Variants in USP54 observed in about 807,000 individuals in gnomAD.
USP54 encodes ubiquitin carboxyl-terminal hydrolase 54.
A neutral mutation model predicts 170.5 loss-of-function variants in USP54; 87 were observed. The observed-to-expected ratio is 0.51, with a 90% confidence interval of 0.43 to 0.61. USP54 has a LOEUF of 0.61. Ranked by LOEUF, USP54 falls within the 20% of genes least tolerant of loss-of-function variation. The probability of loss-of-function intolerance (pLI) is 0.00; values close to 1 mark genes in which losing one functional copy is unlikely to be tolerated. For missense variants in USP54, 1,786 were observed against 2,047.8 expected (o/e 0.87, Z 2.47); for synonymous variants, 655 against 742.8 (o/e 0.88, Z 1.92).
intron 1 of USP54, among the ~76,000 whole-genome samples, chr10:73,587,577 A>G (rs2077667782): frequency 6.6e-6 from 1 of 152,172 alleles, no homozygotes; most frequent in Non-Finnish European, 1.5e-5. Flanking sequence ...TTCCTAGAGA[A>G]CATTATGTGA....
intron 4 of USP54, among the ~76,000 whole-genome samples, chr10:73,556,527 G>A (rs1381459599): frequency 1.3e-5 from 2 of 151,338 alleles, no homozygotes; most frequent in African/African-American, 4.9e-5. Context: ...TGTATTTTTA[G>A]TAGAGACAGG....
chr10:73,544,394 T>C (rs183585982), intron 5 of USP54, among the ~76,000 whole-genome samples: 127 of 152,368 alleles, frequency 8.3e-4, no homozygotes, highest in South Asian at 4.1e-4. Flanking sequence ...TTTAACCGTC[T>C]ACTCACTGAA....
At chr10:73,526,804 A>C in intron 15 of USP54, 24 bp from the exon 16 acceptor site, 1 of 1,612,018 alleles carries the variant, frequency 6.2e-7, no homozygotes, top group South Asian at 1.1e-5. Flanking sequence ...CTCAGAGTCT[A>C]GTGAAAGCAT....
chr10:73,517,560 G>A lies in USP54; in HGVS notation c.2866C>T (p.Leu956=). ...SSPSRSALKL[L]TSVEVDNIEP... is the part of the protein sequence containing the mutation. ...ATGTTGTCTACTTCAACCGAAGTCA[G>A]AAGCTTCAAGGCAGATCTACTGGGG... is the stretch of plus-strand genomic sequence containing the variant. The change falls in exon 20 of 24, where the codon CTG becomes TTG. Residue 956 remains leucine, a synonymous_variant. Coordinates refer to ENST00000687698, the MANE Select transcript of USP54 (RefSeq NM_001391956.1). 6.2e-7 allele frequency: 1 copy of A among 1,614,228 alleles called. No individual in the cohort carries two copies. The highest frequency in any genetic ancestry group is 8.5e-7 in the Non-Finnish European group (1 of 1,180,040).
In USP54 at chr10:73,516,365, G is replaced by C. The variant is rs2133282110; in HGVS notation, c.4051+10C>G. ...TCCCCCCTCCCCCCAACCCCTGGTTGCATTCTTACCTGTTTGGCTAAGTGG... is the reference window on the plus strand; with the variant it reads ...TCCCCCCTCCCCCCAACCCCTGGTTCCATTCTTACCTGTTTGGCTAAGTGG... On this transcript the variant is annotated intron_variant, in intron 20 of 23. Transcript: ENST00000687698. The C allele has an allele frequency of 1.9e-6, 3 of 1,589,210 alleles. No homozygotes were observed. Among genetic ancestry groups the C allele is most frequent in the Middle Eastern group, 1.8e-4 (1 of 5,438 alleles).
At chr10:73,518,169 T>C (rs2061343429) in intron 19 of USP54, 1 of 985,294 alleles carries the variant, frequency 1.0e-6, no homozygotes, top group Non-Finnish European at 1.2e-6. Flanking sequence ...CAGGATGCTA[T>C]ACAGGGAGGC....
chr10:73,566,998 T>A (rs2073992499), intron 4 of USP54, among the ~76,000 whole-genome samples: 1 of 151,890 alleles, frequency 6.6e-6, no homozygotes, highest in African/African-American at 2.4e-5. Flanking sequence ...TACCTCAGCC[T>A]CCTGAGTAGC....
intron 4 of USP54, 62 bp from the exon 5 acceptor site, chr10:73,545,734 C>T: frequency 6.3e-7 from 1 of 1,575,406 alleles, no homozygotes. Flanking sequence ...TCTATACATC[C>T]TAGTCTGTCA....
At chr10:73,624,191 TA>T (rs2081319482) in intron 1 of USP54, among the ~76,000 whole-genome samples, 4 of 127,096 alleles carry the variant, frequency 3.1e-5, no homozygotes, top group African/African-American at 8.7e-5. Context: ...TATATATATA[TA>T]TATGTATTTT....
At chr10:73,535,792 C>A (rs565534594) in intron 11 of USP54, among the ~76,000 whole-genome samples, 75 of 152,282 alleles carry the variant, frequency 4.9e-4, no homozygotes, top group African/African-American at 1.8e-3. Context: ...GATCCTCCCA[C>A]CTCAGCCTCC....
intron 1 of USP54, among the ~76,000 whole-genome samples, chr10:73,589,865 T>G: frequency 6.6e-6 from 1 of 152,134 alleles, no homozygotes; most frequent in South Asian, 2.1e-4. Context: ...GGTGAAGGGA[T>G]GAGAAGGAAT....
intron 1 of USP54, among the ~76,000 whole-genome samples, chr10:73,588,381 G>A (rs553756767): frequency 2.0e-5 from 3 of 152,168 alleles, no homozygotes; most frequent in Non-Finnish European, 2.9e-5. Context: ...GTGCCACCAC[G>A]CCCAGCTAAT....
intron 4 of USP54, among the ~76,000 whole-genome samples, chr10:73,548,611 C>T (rs2068430639): frequency 6.6e-6 from 1 of 152,126 alleles, no homozygotes; most frequent in Non-Finnish European, 1.5e-5. Flanking sequence ...CCATCATTCT[C>T]AGCAAACTAT....
At chr10:73,508,244 T>G (rs1305919857) in intron 20 of USP54, among the ~76,000 whole-genome samples, 1 of 151,612 alleles carries the variant, frequency 6.6e-6, no homozygotes, top group East Asian at 2.0e-4. Context: ...CTGTCTCTAT[T>G]AAAAATACAG....
intron 1 of USP54, among the ~76,000 whole-genome samples, chr10:73,579,550 T>G (rs1589273073): frequency 6.6e-6 from 1 of 150,920 alleles, no homozygotes; most frequent in African/African-American, 2.4e-5. Flanking sequence ...AGGTCAGGAG[T>G]TCAAAACCAA....
intron 1 of USP54, among the ~76,000 whole-genome samples, chr10:73,608,123 G>A (rs1357614175): frequency 1.3e-5 from 2 of 151,724 alleles, no homozygotes; most frequent in Non-Finnish European, 2.9e-5. Flanking sequence ...AGCCGGGCAT[G>A]GTAGCGCGTG....
Position 73,573,052 on chromosome 10 carries a change from C to T in USP54, c.148-1539G>A, listed in dbSNP as rs527666375. Among the ~76,000 whole-genome samples, 7 of 151,736 alleles carry T rather than the reference C, an allele frequency of 4.6e-5. No individual in the cohort carries two copies. In the East Asian group the frequency reaches 5.9e-4, roughly 13 times the overall value. ...TAATCCCAGCACTTTGGGAGGACAA[C>T]GCAGGATGATCATTTGAGCCCAGGA... On this transcript the variant is annotated intron_variant, in intron 3 of 23. Coordinates refer to ENST00000687698, the MANE Select transcript of USP54 (RefSeq NM_001391956.1).
At chr10:73,546,969 G>A (rs765589632) in intron 4 of USP54, among the ~76,000 whole-genome samples, 27 of 152,126 alleles carry the variant, frequency 1.8e-4, no homozygotes, top group Admixed American at 1.3e-3. Flanking sequence ...CTTTAATTTC[G>A]TCTTTCTGGG....
intron 1 of USP54, chr10:73,613,826 G>C (rs2080370120): frequency 1.3e-5 from 2 of 152,018 alleles, no homozygotes; most frequent in Admixed American, 6.6e-5. Context: ...TTACAGTTGA[G>C]CCGAGATTGT....
Sources: allele counts gnomAD v4.1 joint callset (sites outside exome capture counted in the v4.1 genomes callset), GRCh38; gene constraint gnomAD v4.1.1; transcripts MANE v1.5; gene names NCBI Gene and HGNC (gene_info 2026-07-23, HGNC 2026-07-21).